IL6R: variants seen among roughly 807,000 people sequenced by gnomAD.
The protein encoded by IL6R is interleukin-6 receptor subunit alpha.
Under a neutral mutation model 48.3 loss-of-function variants are expected in IL6R, and 38 were observed. The observed-to-expected ratio is 0.79, with a 90% CI of 0.61 to 1.03. IL6R has a LOEUF of 1.03. Among genes scored for constraint, IL6R ranks in the 50% least tolerant of loss-of-function variants. The probability of loss-of-function intolerance (pLI) is 0.00; values close to 1 mark genes in which losing one functional copy is unlikely to be tolerated. For missense variants in IL6R, 534 were observed against 618.3 expected, an observed-to-expected ratio of 0.86 and a Z score of 1.45; for synonymous variants, 264 against 256.2, an observed-to-expected ratio of 1.03 and a Z score of -0.29.
At chr1:154,434,470 T>C (rs961247532) in intron 3 of IL6R, 49 bp from the exon 4 acceptor site, 17 of 1,546,158 alleles carry the variant, frequency 1.1e-5, no homozygotes, top group Non-Finnish European at 1.5e-5. Context: ...CCGTCTTGAG[T>C]CTGTGCGAAA....
chr1:154,446,407 G>A (rs1392770404), intron 6 of IL6R, among the ~76,000 whole-genome samples: 4 of 152,122 alleles, frequency 2.6e-5, no homozygotes, highest in African/African-American at 7.2e-5. Context: ...CCCTGACGCC[G>A]AAGCAGGGTC....
At chr1:154,453,258 A>G (rs1690685263) in intron 8 of IL6R, among the ~76,000 whole-genome samples, 1 of 152,224 alleles carries the variant, frequency 6.6e-6, no homozygotes, top group South Asian at 2.1e-4. Context: ...ATAAATGAGC[A>G]AGCCAAGCAT....
At chr1:154,413,868 G>A (rs1057084445) in intron 1 of IL6R, among the ~76,000 whole-genome samples, 3 of 146,518 alleles carry the variant, frequency 2.0e-5, no homozygotes, top group South Asian at 2.2e-4. Context: ...AGGGTCTCAC[G>A]GTGTCACCCA....
intron 6 of IL6R, chr1:154,437,571 G>A (rs1350594291): frequency 5.2e-6 from 2 of 385,156 alleles, no homozygotes; most frequent in Admixed American, 6.2e-5. Context: ...GTGCCACAAT[G>A]CTAATTTTTT....
chr1:154,423,485 T>G lies in IL6R; in HGVS notation c.86-5711T>G, dbSNP rs1688805114. Reference sequence around the variant, plus strand: ...ACTGCCACCCAGCTGTCAGGGGTACTGAGTCAGAGATTTGGGTCAGGAGGC... The same window carrying G: ...ACTGCCACCCAGCTGTCAGGGGTACGGAGTCAGAGATTTGGGTCAGGAGGC... On this transcript the variant is annotated intron_variant, in intron 1 of 9. Coordinates refer to ENST00000368485, the MANE Select transcript of IL6R (RefSeq NM_000565.4). 4.0e-5 allele frequency among the ~76,000 whole-genome samples: 6 copies of G among 151,666 alleles called. No individual in the cohort carries two copies. The South Asian group carries it at 1.2e-3, about 32-fold the overall frequency.
At chr1:154,428,092 A>T (rs966975620) in intron 1 of IL6R, among the ~76,000 whole-genome samples, 1 of 152,204 alleles carries the variant, frequency 6.6e-6, no homozygotes, top group Non-Finnish European at 1.5e-5. Flanking sequence ...AGCTGGTTGG[A>T]CTAATTTGAT....
At chr1:154,434,456 T>A in intron 3 of IL6R, 63 bp from the exon 4 acceptor site, 1 of 1,449,456 alleles carries the variant, frequency 6.9e-7, no homozygotes, top group Non-Finnish European at 9.5e-7. Flanking sequence ...TTCCCCCTTC[T>A]GTCCCGTCTT....
intron 6 of IL6R, among the ~76,000 whole-genome samples, chr1:154,436,833 G>T (rs1312231695): frequency 6.6e-6 from 1 of 152,154 alleles, no homozygotes; most frequent in Non-Finnish European, 1.5e-5. Flanking sequence ...TGCCATTGGG[G>T]ATTGTTGAAA....
Position 154,469,075 on chromosome 1 carries a change from GGA to G in IL6R, c.*3697_*3698del, listed in dbSNP as rs1691678811. 6.6e-6 allele frequency: 1 copy of G among 152,214 alleles called. No individual in the cohort carries two copies. The highest frequency in any genetic ancestry group is 6.5e-5 in the Admixed American group (1 of 15,276). 9.4% of individuals were successfully genotyped at this position (152,214 alleles called of 1,614,324 possible). A position where few individuals can be genotyped will look rare whatever the true frequency, so the allele number is the denominator to read the frequency against. On this transcript the variant is annotated 3_prime_UTR_variant, in exon 10 of 10. Transcript: ENST00000368485. ...CCGTGCGGCTGGGCACCAGCACCAG[GGA>G]GTTTCTATGGCAACCTTAGTGATTA...
chr1:154,407,398 G>A (rs943748937), intron 1 of IL6R, among the ~76,000 whole-genome samples: 3 of 152,234 alleles, frequency 2.0e-5, no homozygotes, highest in African/African-American at 7.2e-5. Flanking sequence ...CATTTCCCTG[G>A]TGCTCAGGAA....
chr1:154,431,338 A>G (rs1256927551), intron 3 of IL6R, among the ~76,000 whole-genome samples: 1 of 152,210 alleles, frequency 6.6e-6, no homozygotes, highest in East Asian at 1.9e-4. Flanking sequence ...CCAGAGGTTT[A>G]CAATTGAGTT....
intron 6 of IL6R, among the ~76,000 whole-genome samples, chr1:154,446,701 C>T (rs569154294): frequency 6.6e-6 from 1 of 152,108 alleles, no homozygotes; most frequent in Non-Finnish European, 1.5e-5. Flanking sequence ...CCTGCTGCTG[C>T]AATGTGTACT....
chr1:154,414,602 C>A, intron 1 of IL6R: 1 of 760,180 alleles, frequency 1.3e-6, no homozygotes, highest in East Asian at 2.8e-5. Context: ...ATGCACCCGG[C>A]CATCTCATCC....
rs1195596480 is a variant in IL6R, at chr1:154,447,474, T to TACACAC, written c.950-650_950-649insCACACA. 5.7e-5 allele frequency among the ~76,000 whole-genome samples: 5 copies of TACACAC among 87,162 alleles called. No homozygotes were observed. In the Admixed American group the frequency reaches 6.0e-4, roughly 11 times the overall value. The allele number at this position is 87,162 out of a possible 152,430, so 57.2% of individuals were successfully genotyped here. A position where few individuals can be genotyped will look rare whatever the true frequency, so the allele number is the denominator to read the frequency against. ...AAAAAAATATATATATATATATATATATACACACACACACACACACACACA... is the reference window on the plus strand; with the variant it reads ...AAAAAAATATATATATATATATATATACACACATACACACACACACACACACACACA... On this transcript the variant is annotated intron_variant, in intron 6 of 9. Coordinates refer to ENST00000368485, the MANE Select transcript of IL6R (RefSeq NM_000565.4).
intron 3 of IL6R, among the ~76,000 whole-genome samples, chr1:154,431,879 G>C (rs1242912956): frequency 6.6e-6 from 1 of 152,198 alleles, no homozygotes; most frequent in Non-Finnish European, 1.5e-5. Context: ...GTGAAATCTC[G>C]TCACACTTCT....
chr1:154,418,682 G>C (rs1383096592), intron 1 of IL6R, among the ~76,000 whole-genome samples: 1 of 152,194 alleles, frequency 6.6e-6, no homozygotes, highest in African/African-American at 2.4e-5. Flanking sequence ...GAAATGTTAA[G>C]GAGAAATGAA....
chr1:154,427,169 C>T (rs534471601), intron 1 of IL6R, among the ~76,000 whole-genome samples: 10 of 152,238 alleles, frequency 6.6e-5, no homozygotes, highest in African/African-American at 1.9e-4. Flanking sequence ...CGTCTCGCCT[C>T]GGCCTCCCAA....
intron 1 of IL6R, among the ~76,000 whole-genome samples, chr1:154,419,376 C>T (rs1469308435): frequency 6.6e-6 from 1 of 152,174 alleles, no homozygotes; most frequent in East Asian, 1.9e-4. Flanking sequence ...TCCTAGCCCT[C>T]GTGGGACCAA....
At chr1:154,407,206 C>G (rs1311879830) in intron 1 of IL6R, among the ~76,000 whole-genome samples, 1 of 152,198 alleles carries the variant, frequency 6.6e-6, no homozygotes, top group Non-Finnish European at 1.5e-5. Context: ...GGATGCAAGA[C>G]AGGTTCCAGG....
Sources: allele counts gnomAD v4.1 joint callset (sites outside exome capture counted in the v4.1 genomes callset), GRCh38; gene constraint gnomAD v4.1.1; transcripts MANE v1.5; gene names NCBI Gene and HGNC (gene_info 2026-07-23, HGNC 2026-07-21).